Variants in WFDC11 observed in about 807,000 individuals in gnomAD.
WFDC11 encodes the protein protein WFDC11.
In WFDC11, 9 loss-of-function variants were observed where a neutral mutation model predicts 9.9. The ratio of observed to expected loss-of-function variants is 0.91; its 90% CI spans 0.55 to 1.58. The LOEUF (loss-of-function observed/expected upper bound fraction) is 1.58. Among genes scored for constraint, WFDC11 ranks in the 40% most tolerant of loss-of-function variants. The pLI is 0.00. For synonymous variants in WFDC11, 32 were observed against 33.3 expected (o/e 0.96, Z 0.13); for missense variants, 106 against 101.7 (o/e 1.04, Z -0.18).
chr20:45,665,205 T>G (rs557409913), intron 2 of WFDC11, among the ~76,000 whole-genome samples: 1 of 152,340 alleles, frequency 6.6e-6, no homozygotes, highest in South Asian at 2.1e-4. Flanking sequence ...ACTTGATGCA[T>G]TGGCTATTGA....
intron 2 of WFDC11, among the ~76,000 whole-genome samples, chr20:45,666,703 A>G (rs908756127): frequency 1.3e-5 from 2 of 152,204 alleles, no homozygotes; most frequent in East Asian, 1.9e-4. Flanking sequence ...ACTTCACCCA[A>G]TAATGTTCTT....
chr20:45,658,155 C>CAT (rs1452509935), intron 2 of WFDC11, among the ~76,000 whole-genome samples: 1 of 152,058 alleles, frequency 6.6e-6, no homozygotes, highest in Non-Finnish European at 1.5e-5. Context: ...CAATCTAGGC[C>CAT]ATAAACATAT....
chr20:45,659,564 G>T (rs918336637), intron 2 of WFDC11, among the ~76,000 whole-genome samples: 2 of 151,774 alleles, frequency 1.3e-5, no homozygotes, highest in Non-Finnish European at 2.9e-5. Context: ...GGGTTGTTTG[G>T]TTTTTTTCTT....
At chr20:45,663,740 A>G (rs1983124829) in intron 2 of WFDC11, among the ~76,000 whole-genome samples, 1 of 152,160 alleles carries the variant, frequency 6.6e-6, no homozygotes, top group Non-Finnish European at 1.5e-5. Flanking sequence ...AGCGGTTTTG[A>G]GTGAGTTTCT....
At chr20:45,654,654 G>T (rs1424467088) in intron 2 of WFDC11, among the ~76,000 whole-genome samples, 1 of 152,074 alleles carries the variant, frequency 6.6e-6, no homozygotes, top group Non-Finnish European at 1.5e-5. Context: ...CTGGTTTTTT[G>T]AAAAGATCAA....
intron 2 of WFDC11, among the ~76,000 whole-genome samples, chr20:45,662,394 A>G (rs1485634103): frequency 6.6e-6 from 1 of 152,070 alleles, no homozygotes; most frequent in East Asian, 1.9e-4. Flanking sequence ...TCTTTTCCTA[A>G]TTGAATACAC....
At chr20:45,663,430 G>C (rs553882510) in intron 2 of WFDC11, among the ~76,000 whole-genome samples, 1 of 152,048 alleles carries the variant, frequency 6.6e-6, no homozygotes, top group African/African-American at 2.4e-5. Flanking sequence ...AACTCTTTCA[G>C]TTCTTCTCTG....
chr20:45,664,838 G>A (rs189380059), intron 2 of WFDC11, among the ~76,000 whole-genome samples: 1 of 152,034 alleles, frequency 6.6e-6, no homozygotes, highest in Non-Finnish European at 1.5e-5. Context: ...TTCTCTCTGG[G>A]TGCCCTTAAC....
At chr20:45,659,024 C>T (rs1241946280) in intron 2 of WFDC11, among the ~76,000 whole-genome samples, 1 of 152,146 alleles carries the variant, frequency 6.6e-6, no homozygotes, top group East Asian at 1.9e-4. Flanking sequence ...CATCCATGTC[C>T]CTACAAAGGA....
At chr20:45,662,538 T>C (rs1268033733) in intron 2 of WFDC11, among the ~76,000 whole-genome samples, 1 of 152,200 alleles carries the variant, frequency 6.6e-6, no homozygotes, top group Non-Finnish European at 1.5e-5. Context: ...CCATTCAGGA[T>C]GATATTGGCT....
At position 45,649,336 on chromosome 20, in the gene WFDC11, C is replaced by A. The variant is rs1448149595; in HGVS notation, c.164G>T (p.Cys55Phe). Residue 55 changes from cysteine (C) to phenylalanine (F), a missense_variant, in exon 4 of 5, where the codon TGT becomes TTT. Physicochemically the swap from Cys to Phe is radical, Grantham distance 205 (BLOSUM62 -2). Transcript: ENST00000324384. ...KPNVKECTNK[C>F]SKAFRCKDKN... ...GTCTTTACATCTAAAGGCTTTAGAACACTTATTGGTACATTCTTTGACATT... is the reference window on the plus strand; with the variant it reads ...GTCTTTACATCTAAAGGCTTTAGAAAACTTATTGGTACATTCTTTGACATT... 1.2e-6 allele frequency: 2 copies of A among 1,614,158 alleles called. No individual in the cohort carries two copies. The highest frequency in any genetic ancestry group is 1.3e-5 in the African/African-American group (1 of 75,040).
intron 1 of WFDC11, among the ~76,000 whole-genome samples, chr20:45,668,411 T>G (rs1983229633): frequency 6.6e-6 from 1 of 152,130 alleles, no homozygotes; most frequent in Non-Finnish European, 1.5e-5. Flanking sequence ...CTTCCCACTT[T>G]ACAATATACT....
chr20:45,651,667 C>T (rs1280614476), intron 2 of WFDC11, among the ~76,000 whole-genome samples: 1 of 152,162 alleles, frequency 6.6e-6, no homozygotes, highest in Non-Finnish European at 1.5e-5. Context: ...TGCAAAGGGT[C>T]AGGGAATTCC....
intron 2 of WFDC11, among the ~76,000 whole-genome samples, chr20:45,661,256 A>T (rs1378196414): frequency 6.6e-6 from 1 of 151,820 alleles, no homozygotes; most frequent in Non-Finnish European, 1.5e-5. Context: ...CCACTTTTTT[A>T]TGGGGTTGTT....
At chr20:45,656,441 T>G (rs1028979109) in intron 2 of WFDC11, among the ~76,000 whole-genome samples, 4 of 152,200 alleles carry the variant, frequency 2.6e-5, no homozygotes, top group Non-Finnish European at 5.9e-5. Flanking sequence ...TAATTCAAGA[T>G]GGATTAAAGA....
At chr20:45,649,050 T>A (rs1184623487) in intron 4 of WFDC11, among the ~76,000 whole-genome samples, 1 of 152,162 alleles carries the variant, frequency 6.6e-6, no homozygotes, top group African/African-American at 2.4e-5. Flanking sequence ...AGGTATTGAT[T>A]ATATAATGAA....
intron 2 of WFDC11, among the ~76,000 whole-genome samples, chr20:45,657,487 G>A (rs1481673560): frequency 2.6e-5 from 4 of 151,824 alleles, no homozygotes; most frequent in African/African-American, 9.7e-5. Flanking sequence ...AATGTTAAAT[G>A]ACGAGTTACT....
In WFDC11 at chr20:45,662,765, G is replaced by A. The variant is rs1983098917; in HGVS notation, c.-52+4323C>T. On this transcript the variant is annotated intron_variant, in intron 2 of 4. Coordinates refer to ENST00000324384, the MANE Select transcript of WFDC11 (RefSeq NM_147197.2). ...TGAACCAGCCTTGCATTCCAGGGAT[G>A]AAGCCAACTTGATCATGGTGGATAA... 2.6e-5 allele frequency among the ~76,000 whole-genome samples: 4 copies of A among 152,162 alleles called. No homozygotes were observed. In the South Asian group the frequency reaches 6.2e-4, roughly 24 times the overall value.
At chr20:45,665,836 C>T (rs947404746) in intron 2 of WFDC11, among the ~76,000 whole-genome samples, 6 of 152,174 alleles carry the variant, frequency 3.9e-5, no homozygotes, top group Admixed American at 3.9e-4. Context: ...TGTCTGTCGG[C>T]CCCTACTGGG....
Sources: allele counts gnomAD v4.1 joint callset (sites outside exome capture counted in the v4.1 genomes callset), GRCh38; gene constraint gnomAD v4.1.1; transcripts MANE v1.5; gene names NCBI Gene and HGNC (gene_info 2026-07-23, HGNC 2026-07-21).